ANO10: variants seen among roughly 807,000 people sequenced by gnomAD.
ANO10 encodes anoctamin-10.
Under a neutral mutation model 74.7 loss-of-function variants are expected in ANO10, and 77 were observed. The ratio of observed to expected loss-of-function variants is 1.03; its 90% CI spans 0.86 to 1.25. The LOEUF (loss-of-function observed/expected upper bound fraction) is 1.25. Among genes scored for constraint, ANO10 ranks in the 50% most tolerant of loss-of-function variants. The pLI, the probability that ANO10 is intolerant of heterozygous loss-of-function variation, is 0.00. For synonymous variants in ANO10, 279 were observed against 284.9 expected, an observed-to-expected ratio of 0.98 and a Z score of 0.21; for missense variants, 721 against 778.1, an observed-to-expected ratio of 0.93 and a Z score of 0.87.
upstream of ANO10, among the ~76,000 whole-genome samples, chr3:43,624,470 CTT>C (rs1350281300): frequency 2.0e-5 from 3 of 152,132 alleles, no homozygotes; most frequent in East Asian, 3.9e-4. Flanking sequence ...TAGTGAGAGA[CTT>C]TTCACAAGAT....
intron 11 of ANO10, among the ~76,000 whole-genome samples, chr3:43,475,342 G>A (rs950041443): frequency 1.3e-5 from 2 of 152,038 alleles, no homozygotes; most frequent in African/African-American, 4.8e-5. Context: ...CATTCTTATA[G>A]TCAAGGTCTC....
chr3:43,577,771 A>C (rs2081083287), intron 5 of ANO10, among the ~76,000 whole-genome samples: 1 of 152,228 alleles, frequency 6.6e-6, no homozygotes, highest in Non-Finnish European at 1.5e-5. Flanking sequence ...ATTTTTCAAT[A>C]CACTAAAGAA....
chr3:43,567,205 G>C (rs1323857552), intron 7 of ANO10, among the ~76,000 whole-genome samples: 1 of 152,196 alleles, frequency 6.6e-6, no homozygotes, highest in East Asian at 1.9e-4. Flanking sequence ...ATCTACATCT[G>C]ATTGGTGTAC....
intron 11 of ANO10, among the ~76,000 whole-genome samples, chr3:43,538,405 A>C (rs1427944236): frequency 3.3e-5 from 5 of 152,206 alleles, no homozygotes; most frequent in Non-Finnish European, 5.9e-5. Context: ...GGGTGAATTT[A>C]TTTTCTTTGT....
At chr3:43,468,490 T>G (rs1189443571) in intron 11 of ANO10, among the ~76,000 whole-genome samples, 2 of 152,148 alleles carry the variant, frequency 1.3e-5, no homozygotes, top group Admixed American at 1.3e-4. Context: ...CACATGGCTT[T>G]CTAGGACTGT....
intron 1 of ANO10, chr3:43,691,190 G>A: frequency 1.5e-6 from 1 of 675,596 alleles, no homozygotes; most frequent in Non-Finnish European, 2.1e-6. Context: ...AGTCCGCGCG[G>A]CGCCCAGAGG....
chr3:43,485,145 G>A (rs1369655731), intron 11 of ANO10: 3 of 793,348 alleles, frequency 3.8e-6, no homozygotes, highest in Non-Finnish European at 6.5e-6. Context: ...GATCTGGATG[G>A]AGTGGGCCCT....
chr3:43,432,317 G>C (rs1016114823), intron 12 of ANO10, among the ~76,000 whole-genome samples: 3 of 152,166 alleles, frequency 2.0e-5, no homozygotes, highest in African/African-American at 7.2e-5. Flanking sequence ...GCTGTGGGGA[G>C]CTGCCCCAGG....
At chr3:43,456,254 T>C (rs1367371499) in intron 11 of ANO10, among the ~76,000 whole-genome samples, 1 of 152,180 alleles carries the variant, frequency 6.6e-6, no homozygotes, top group African/African-American at 2.4e-5. Flanking sequence ...AGCTGCATTT[T>C]TGAGTGTCAC....
At chr3:43,510,141 A>G (rs1356994340) in intron 11 of ANO10, among the ~76,000 whole-genome samples, 1 of 152,120 alleles carries the variant, frequency 6.6e-6, no homozygotes, top group Non-Finnish European at 1.5e-5. Flanking sequence ...ACTGTATAGA[A>G]CTAAACACAA....
intron 1 of ANO10, among the ~76,000 whole-genome samples, chr3:43,672,767 C>T (rs1198854438): frequency 2.0e-5 from 3 of 152,092 alleles, no homozygotes; most frequent in East Asian, 1.9e-4. Context: ...TTTTACCTGC[C>T]GACTCCTTTG....
At chr3:43,588,865 G>A (rs2081594489) in intron 4 of ANO10, among the ~76,000 whole-genome samples, 3 of 152,102 alleles carry the variant, frequency 2.0e-5, no homozygotes, top group Non-Finnish European at 4.4e-5. Flanking sequence ...TAAAACAAAG[G>A]TAAAAGAAAA....
intron 12 of ANO10, among the ~76,000 whole-genome samples, chr3:43,401,169 T>C (rs1170989744): frequency 1.3e-5 from 2 of 152,208 alleles, no homozygotes; most frequent in African/African-American, 4.8e-5. Flanking sequence ...GATTTTTATT[T>C]CCTGTATCTT....
At chr3:43,443,112 C>T (rs1380142216) in intron 11 of ANO10, among the ~76,000 whole-genome samples, 2 of 152,012 alleles carry the variant, frequency 1.3e-5, no homozygotes, top group Non-Finnish European at 2.9e-5. Context: ...TCACCTTGCT[C>T]CACTCCAACC....
At chr3:43,417,434 C>T (rs13066902) in intron 12 of ANO10, among the ~76,000 whole-genome samples, 78,504 of 151,856 alleles carry the variant, frequency 0.52, 21,089 homozygotes, top group East Asian at 0.77. Flanking sequence ...TTAAATCAGA[C>T]ACTGCCTCCT....
intron 12 of ANO10, among the ~76,000 whole-genome samples, chr3:43,420,345 C>T (rs2092801459): frequency 6.6e-6 from 1 of 152,014 alleles, no homozygotes; most frequent in African/African-American, 2.4e-5. Context: ...ACTCAGGAGG[C>T]TGAGGTGTGA....
At chr3:43,458,610 G>A (rs982519495) in intron 11 of ANO10, among the ~76,000 whole-genome samples, 5 of 152,178 alleles carry the variant, frequency 3.3e-5, no homozygotes, top group African/African-American at 4.8e-5. Context: ...AATGCAGAGA[G>A]CTTTCAATCT....
At chr3:43,473,287 G>C (rs1480213044) in intron 11 of ANO10, among the ~76,000 whole-genome samples, 1 of 152,118 alleles carries the variant, frequency 6.6e-6, no homozygotes, top group Admixed American at 6.5e-5. Context: ...ACGAGACACT[G>C]TCCGCTTTGC....
chr3:43,390,070 T>C (rs2092236644), intron 12 of ANO10, among the ~76,000 whole-genome samples: 2 of 152,244 alleles, frequency 1.3e-5, no homozygotes, highest in Non-Finnish European at 2.9e-5. Flanking sequence ...TTTAAAGTCC[T>C]GGCATCCAGG....
Sources: gnomAD v4.1 joint callset for allele counts (sites outside exome capture counted in the v4.1 genomes callset) on GRCh38, gnomAD v4.1.1 for gene constraint, MANE v1.5 for transcripts, NCBI Gene and HGNC (gene_info 2026-07-23, HGNC 2026-07-21) for gene names.